Variants in LARGE1 observed in about 807,000 individuals in gnomAD.
The protein encoded by LARGE1 is xylosyl- and glucuronyltransferase LARGE1.
LARGE1 carries 43 observed loss-of-function variants against 87.6 expected under a neutral mutation model. The observed-to-expected ratio is 0.49, with a 90% CI of 0.38 to 0.63. The LOEUF is 0.63. Among genes scored for constraint, LARGE1 ranks in the 30% least tolerant of loss-of-function variants. The probability of loss-of-function intolerance (pLI) is 0.00; values close to 1 mark genes in which losing one functional copy is unlikely to be tolerated. For missense variants in LARGE1, 802 were observed against 1,000.2 expected, an observed-to-expected ratio of 0.80 and a Z score of 2.67; for synonymous variants, 434 against 394.6, an observed-to-expected ratio of 1.10 and a Z score of -1.18.
chr22:33,112,171 G>A, the LARGE1 span, among the ~76,000 whole-genome samples: 1 of 152,244 alleles, frequency 6.6e-6, no homozygotes, highest in Non-Finnish European at 1.5e-5. Context: ...TGGCAGCCCA[G>A]TTAGGAGGCT....
chr22:33,326,087 C>A (rs1212876751), intron 10 of LARGE1, among the ~76,000 whole-genome samples: 1 of 152,182 alleles, frequency 6.6e-6, no homozygotes, highest in Non-Finnish European at 1.5e-5. Flanking sequence ...GTTCCAGGAA[C>A]CCAAAGCATT....
intron 6 of LARGE1, among the ~76,000 whole-genome samples, chr22:33,555,431 G>T (rs535646519): frequency 1.1e-3 from 174 of 152,268 alleles, no homozygotes; most frequent in Middle Eastern, 3.4e-3. Context: ...AAGAGCAGTA[G>T]AGAAAAATGG....
the LARGE1 span, among the ~76,000 whole-genome samples, chr22:33,128,872 A>G: frequency 1.3e-5 from 2 of 152,162 alleles, no homozygotes; most frequent in South Asian, 4.1e-4. Flanking sequence ...ACATGTTCTC[A>G]CTTACAAGTG....
At chr22:33,104,017 C>T in the LARGE1 span, among the ~76,000 whole-genome samples, 5 of 152,194 alleles carry the variant, frequency 3.3e-5, no homozygotes, top group African/African-American at 1.2e-4. Context: ...GTCCATTAAA[C>T]CTCTTTTTCT....
At chr22:33,454,893 CCACCCCTGTGACCTAAT>C (rs1324940270) in intron 6 of LARGE1, among the ~76,000 whole-genome samples, 1 of 152,102 alleles carries the variant, frequency 6.6e-6, no homozygotes, top group Admixed American at 6.5e-5. Context: ...TATGAAGAAT[CCACCCCTGTGACCTAAT>C]CACCTCCTAC....
chr22:33,275,082 C>A (rs2145808655), intron 14 of LARGE1, among the ~76,000 whole-genome samples: 1 of 151,496 alleles, frequency 6.6e-6, no homozygotes, highest in Admixed American at 6.5e-5. Flanking sequence ...ACAGTCTCAA[C>A]AGATGAGTGC....
intron 10 of LARGE1, among the ~76,000 whole-genome samples, chr22:33,326,113 C>T (rs926631458): frequency 1.3e-5 from 2 of 152,186 alleles, no homozygotes; most frequent in African/African-American, 4.8e-5. Context: ...ACTAAGGAAA[C>T]CAAACTATGA....
intron 4 of LARGE1, among the ~76,000 whole-genome samples, chr22:33,615,681 A>C (rs1276510879): frequency 1.3e-5 from 2 of 152,052 alleles, no homozygotes; most frequent in Non-Finnish European, 2.9e-5. Context: ...CAAAAAAAAA[A>C]AAAAAAGGAA....
intron 6 of LARGE1, among the ~76,000 whole-genome samples, chr22:33,533,711 T>C (rs962729753): frequency 2.0e-5 from 3 of 152,222 alleles, no homozygotes; most frequent in African/African-American, 7.2e-5. Context: ...GATGGTAAAC[T>C]GCCCCACTTC....
At chr22:33,074,172 C>T in the LARGE1 span, among the ~76,000 whole-genome samples, 4 of 152,236 alleles carry the variant, frequency 2.6e-5, no homozygotes, top group East Asian at 1.9e-4. Flanking sequence ...CTTTGTGTCC[C>T]CCTCCTCACT....
At chr22:33,596,238 T>A (rs1044414232) in intron 5 of LARGE1, among the ~76,000 whole-genome samples, 1 of 152,266 alleles carries the variant, frequency 6.6e-6, no homozygotes, top group African/African-American at 2.4e-5. Flanking sequence ...TATTTTATAA[T>A]GCAGATTAGA....
At chr22:33,167,530 T>C (rs1159477058) in intron 11 of LARGE1, among the ~76,000 whole-genome samples, 2 of 152,180 alleles carry the variant, frequency 1.3e-5, no homozygotes, top group African/African-American at 2.4e-5. Context: ...TAAGTATCCA[T>C]TCACCCATTC....
At chr22:33,768,417 C>A (rs1451880553) in intron 1 of LARGE1, among the ~76,000 whole-genome samples, 2 of 145,094 alleles carry the variant, frequency 1.4e-5, no homozygotes, top group African/African-American at 5.3e-5. Context: ...TTACCCAAGC[C>A]ACAATCCAAC....
At chr22:33,472,414 T>G (rs895961554) in intron 6 of LARGE1, among the ~76,000 whole-genome samples, 1 of 152,022 alleles carries the variant, frequency 6.6e-6, no homozygotes, top group Non-Finnish European at 1.5e-5. Flanking sequence ...TGAGTATTTC[T>G]TTCTTTTCAA....
chr22:33,892,471 A>C (rs1280145981), intron 1 of LARGE1, among the ~76,000 whole-genome samples: 1 of 152,250 alleles, frequency 6.6e-6, no homozygotes, highest in Non-Finnish European at 1.5e-5. Flanking sequence ...AAAGCTAGTC[A>C]CATGGTGAAA....
chr22:33,859,863 A>T (rs1016315065), intron 1 of LARGE1, among the ~76,000 whole-genome samples: 2 of 152,210 alleles, frequency 1.3e-5, no homozygotes, highest in African/African-American at 4.8e-5. Context: ...TGCTAAGTGA[A>T]ATACGCCAGT....
intron 7 of LARGE1, among the ~76,000 whole-genome samples, chr22:33,422,819 C>T (rs1003117815): frequency 2.4e-4 from 37 of 152,048 alleles, no homozygotes; most frequent in African/African-American, 8.0e-4. Flanking sequence ...ATCATGAGAA[C>T]GGCACCAAGG....
chr22:33,337,842 G>A, intron 9 of LARGE1, 41 bp from the exon 10 acceptor site: 1 of 1,610,248 alleles, frequency 6.2e-7, no homozygotes, highest in Middle Eastern at 1.7e-4. Context: ...TGGCAGGGGT[G>A]GGGTGGGGAT....
chr22:33,860,857 G>A (rs901821596), intron 1 of LARGE1, among the ~76,000 whole-genome samples: 4 of 152,304 alleles, frequency 2.6e-5, no homozygotes, highest in African/African-American at 7.2e-5. Context: ...GAGTCAGCAC[G>A]GGGAACACCG....
Sources: allele counts gnomAD v4.1 joint callset (sites outside exome capture counted in the v4.1 genomes callset), GRCh38; gene constraint gnomAD v4.1.1; transcripts MANE v1.5; gene names NCBI Gene and HGNC (gene_info 2026-07-23, HGNC 2026-07-21).